The following AGGF1 variants were observed in gnomAD, a reference collection of about 807,000 sequenced individuals.
AGGF1 encodes angiogenic factor with G patch and FHA domains 1.
AGGF1 carries 56 observed loss-of-function variants against 86.5 expected under a neutral mutation model. That is an observed-to-expected ratio of 0.65 (90% confidence interval 0.52 to 0.81). The LOEUF is 0.81. Among genes scored for constraint, AGGF1 ranks in the 30% least tolerant of loss-of-function variants. The pLI is 0.00. For missense variants in AGGF1, 816 were observed against 850.9 expected (o/e 0.96, Z 0.51); for synonymous variants, 313 against 297.1 (o/e 1.05, Z -0.55).
chr5:77,037,467 T>C lies in AGGF1; in HGVS notation c.681+747T>C, dbSNP rs139917783. On this transcript the variant is annotated intron_variant, in intron 4 of 13. Coordinates refer to ENST00000312916, the MANE Select transcript of AGGF1 (RefSeq NM_018046.5). ...CCAGTGTTTTATATCCTGTGCCTTT[T>C]AACTATTTCACTTTAAACATTCAGT... Among the ~76,000 whole-genome samples the C allele has an allele frequency of 3.4e-3, 514 of 152,336 alleles. 4 individuals carry two copies. Among genetic ancestry groups the C allele is most frequent in the African/African-American group, 0.012 (485 of 41,584 alleles).
At position 77,063,203 on chromosome 5, in the gene AGGF1, A is replaced by G; in HGVS notation, c.2096A>G (p.Gln699Arg). ...FTENFPETKPQKDDPGTMPWV... is the reference protein window; with the variant it reads ...FTENFPETKPRKDDPGTMPWV... Reference sequence around the variant, plus strand: ...GAAAACTTCCCAGAAACTAAGCCTCAAAAAGATGACCCAGGGACCATGCCT... The same window carrying G: ...GAAAACTTCCCAGAAACTAAGCCTCGAAAAGATGACCCAGGGACCATGCCT... The change falls in exon 14 of 14, where the codon CAA (glutamine) becomes CGA (arginine). Residue 699 changes from glutamine (Q) to arginine (R), a missense_variant. Gln to Arg is a conservative substitution (Grantham distance 43). This residue lies in a region of AGGF1 where 565 missense variants were observed against 585.8 expected (regional missense o/e 0.96). Transcript: ENST00000312916. The G allele has an allele frequency of 4.3e-6, 7 of 1,613,990 alleles. No homozygotes were observed. Among genetic ancestry groups the G allele is most frequent in the Non-Finnish European group, 5.9e-6 (7 of 1,179,872 alleles).
chr5:77,045,798 G>A (rs1328060956), intron 5 of AGGF1, among the ~76,000 whole-genome samples: 1 of 152,218 alleles, frequency 6.6e-6, no homozygotes, highest in East Asian at 1.9e-4. Flanking sequence ...GCAGCTCCAT[G>A]TGGCTGTTGA....
chr5:77,055,436 A>C, intron 10 of AGGF1, 78 bp from the exon 11 acceptor site: 1 of 914,848 alleles, frequency 1.1e-6, no homozygotes, highest in African/African-American at 1.7e-5. Context: ...GTTTTTTATT[A>C]ATTAAATAAC....
rs555649121 is a variant in AGGF1, at chr5:77,030,848, A to C, written c.82A>C (p.Lys28Gln). The change falls in exon 1 of 14, where the codon AAG (lysine) becomes CAG (glutamine). Residue 28 changes from lysine to glutamine, a missense_variant. Transcript: ENST00000312916. ...GCCTGAGCTGGCCCAGCTAAGGCGG[A>C]AGGTGGAGAAGTTGGAACGTGAACT... The part of the protein sequence containing the change: ...PEPELAQLRR[K>Q]VEKLERELRS... The C allele has an allele frequency of 6.2e-7, 1 of 1,612,560 alleles. No homozygotes were observed. Among genetic ancestry groups the C allele is most frequent in the Non-Finnish European group, 8.5e-7 (1 of 1,179,912 alleles).
At chr5:77,057,177 G>A (rs995754816) in intron 11 of AGGF1, among the ~76,000 whole-genome samples, 1 of 152,102 alleles carries the variant, frequency 6.6e-6, no homozygotes, top group Admixed American at 6.5e-5. Context: ...AAAATGGTGC[G>A]GTTGCTTTGG....
rs776049702 is a variant in AGGF1, at chr5:77,054,104, G to A, written c.1607G>A (p.Arg536His). The A allele has an allele frequency of 1.1e-5, 17 of 1,613,956 alleles. No individual in the cohort carries two copies. The highest frequency in any genetic ancestry group is 8.9e-5 in the East Asian group (4 of 44,886). The change falls in exon 10 of 14, where the codon CGC becomes CAC. Residue 536 changes from arginine (R) to histidine (H), a missense_variant. Arg to His is a conservative substitution (Grantham distance 29). Coordinates refer to ENST00000312916, the MANE Select transcript of AGGF1 (RefSeq NM_018046.5). ...CEPGQVRAHLRLDKKDESFVG... is the reference protein window; with the variant it reads ...CEPGQVRAHLHLDKKDESFVG... ...CCAGGGCAGGTTAGAGCCCACCTTC[G>A]CCTTGATAAGAAAGATGAATCTTTT...
At chr5:77,043,984 C>G (rs1362975430) in intron 5 of AGGF1, among the ~76,000 whole-genome samples, 1 of 132,970 alleles carries the variant, frequency 7.5e-6, no homozygotes, top group African/African-American at 2.8e-5. Flanking sequence ...AGACAATGGG[C>G]GGCCGGGCAG....
intron 8 of AGGF1, among the ~76,000 whole-genome samples, chr5:77,049,702 A>G (rs917517248): frequency 2.0e-4 from 31 of 152,088 alleles, no homozygotes; most frequent in South Asian, 8.3e-4. Context: ...GGCATACTCT[A>G]CCATGCCCAG....
chr5:77,056,422 T>G (rs982504919), intron 11 of AGGF1, among the ~76,000 whole-genome samples: 2 of 151,800 alleles, frequency 1.3e-5, no homozygotes, highest in African/African-American at 2.4e-5. Context: ...AGAGACAAGG[T>G]TCACAGCGTT....
chr5:77,054,993 C>T (rs1561290625), intron 10 of AGGF1, among the ~76,000 whole-genome samples: 2 of 152,102 alleles, frequency 1.3e-5, no homozygotes, highest in Non-Finnish European at 2.9e-5. Context: ...CCATCGAAAG[C>T]TCTTAAAATT....
intron 11 of AGGF1, among the ~76,000 whole-genome samples, chr5:77,058,476 GTAGAGAAATCA>G (rs1174262223): frequency 6.6e-6 from 1 of 152,062 alleles, no homozygotes; most frequent in African/African-American, 2.4e-5. Flanking sequence ...TTTTACTTAG[GTAGAGAAATCA>G]TAGAAAAAAG....
intron 9 of AGGF1, 37 bp from the exon 10 acceptor site, chr5:77,053,928 G>A: frequency 6.2e-7 from 1 of 1,603,658 alleles, no homozygotes; most frequent in Admixed American, 1.7e-5. Context: ...ATAAGTGATT[G>A]TTTTGATTTC....
chr5:77,040,847 C>G (rs1302178775), intron 5 of AGGF1, among the ~76,000 whole-genome samples: 2 of 152,018 alleles, frequency 1.3e-5, no homozygotes, highest in South Asian at 2.1e-4. Context: ...CTGTCCTGTC[C>G]TGTTCTGTCC....
At chr5:77,045,809 G>A (rs766065923) in intron 5 of AGGF1, among the ~76,000 whole-genome samples, 1 of 152,232 alleles carries the variant, frequency 6.6e-6, no homozygotes, top group African/African-American at 2.4e-5. Flanking sequence ...TGGCTGTTGA[G>A]CACTTGAAGT....
At chr5:77,041,800 T>TTTA (rs1561285641) in intron 5 of AGGF1, among the ~76,000 whole-genome samples, 1 of 103,886 alleles carries the variant, frequency 9.6e-6, no homozygotes, top group African/African-American at 2.9e-5. Flanking sequence ...TTTATTTATT[T>TTTA]ATTTATTTAT....
chr5:77,031,987 T>C (rs1746862779), intron 1 of AGGF1, among the ~76,000 whole-genome samples: 1 of 152,104 alleles, frequency 6.6e-6, no homozygotes, highest in South Asian at 2.1e-4. Context: ...TATTTCCACA[T>C]AGTAACTAGT....
chr5:77,064,743 T>G lies in AGGF1; in HGVS notation c.*1491T>G, dbSNP rs1742757462. The G allele has an allele frequency of 6.6e-6, 1 of 152,212 alleles. No homozygotes were observed. The highest frequency in any genetic ancestry group is 1.5e-5 in the Non-Finnish European group (1 of 68,046). 9.4% of individuals were successfully genotyped at this position (152,212 alleles called of 1,614,324 possible). On this transcript the variant is annotated 3_prime_UTR_variant, in exon 14 of 14. Coordinates refer to ENST00000312916, the MANE Select transcript of AGGF1 (RefSeq NM_018046.5). ...TTTAATTAGAAATAAAAAGTATTAG[T>G]CTAAATGTGGTTCTGGTGCTGGTGC...
intron 2 of AGGF1, 66 bp downstream of exon 2, chr5:77,034,586 C>T (rs937752464): frequency 4.5e-6 from 5 of 1,119,226 alleles, no homozygotes; most frequent in Non-Finnish European, 5.5e-6. Flanking sequence ...GTTGCGTTTT[C>T]TTTTAATTTA....
chr5:77,042,002 G>T (rs1476893651), intron 5 of AGGF1, among the ~76,000 whole-genome samples: 16 of 151,108 alleles, frequency 1.1e-4, no homozygotes, highest in African/African-American at 3.9e-4. Flanking sequence ...AGATTAGGGA[G>T]TGGTGATGAC....
Sources: allele counts gnomAD v4.1 joint callset (sites outside exome capture counted in the v4.1 genomes callset), GRCh38; gene constraint gnomAD v4.1.1; regional missense constraint gnomAD v4.1.1; transcripts MANE v1.5; gene names NCBI Gene and HGNC (gene_info 2026-07-23, HGNC 2026-07-21).